The following SPATA31C2 variants were observed in gnomAD, a reference collection of about 807,000 sequenced individuals.
SPATA31C2 encodes the protein spermatogenesis-associated protein 31C2.
Under a neutral mutation model 11.4 loss-of-function variants are expected in SPATA31C2, and 5 were observed. That is an observed-to-expected ratio of 0.44 (90% confidence interval 0.23 to 0.92). SPATA31C2 has a LOEUF of 0.92. SPATA31C2 is among the 40% of genes least tolerant of loss of function. SPATA31C2 has a pLI of 0.24. For missense variants in SPATA31C2, 1,353 were observed against 1,368.6 expected (o/e 0.99, Z 0.18); for synonymous variants, 515 against 538.7 (o/e 0.96, Z 0.61).
rs1441844583 is a variant in SPATA31C2 at position 88,133,757 on chromosome 9, ATGGCTC to A, written c.190-94_190-89del. Reference sequence around the variant, plus strand: ...GCAGCACGCTGCACTCATGAACCGCATGGCTCTGTCTGTCTTGCTCAGGGAGCTCTG... The same window carrying A: ...GCAGCACGCTGCACTCATGAACCGCATGTCTGTCTTGCTCAGGGAGCTCTG... On this transcript the variant is annotated intron_variant, in intron 1 of 3. Transcript: ENST00000324915. The A allele has an allele frequency of 9.0e-6, 13 of 1,450,760 alleles. No individual in the cohort carries two copies. In the East Asian group the frequency reaches 3.7e-4, roughly 41 times the overall value. The allele number at this position is 1,450,760 out of a possible 1,614,324, so 89.9% of individuals were successfully genotyped here.
chr9:88,131,865 A>C lies in SPATA31C2; in HGVS notation c.1172T>G (p.Leu391Arg), dbSNP rs778584124. 9 of 1,610,958 alleles carry C rather than the reference A, an allele frequency of 5.6e-6. No individual in the cohort carries two copies. The South Asian group carries it at 9.9e-5, about 18-fold the overall frequency. The change falls in exon 4 of 4, where the codon CTA becomes CGA. Residue 391 changes from leucine (L) to arginine (R), a missense_variant. Leu to Arg is a moderately radical substitution (Grantham distance 102, BLOSUM62 -2). Coordinates refer to ENST00000324915, the MANE Select transcript of SPATA31C2 (RefSeq NM_001350978.3). ...CCTTTCAGGGTGCTGAGTTTCAGGTAGGGAGAGAGCTTGCACTTTATTCTG... is the reference window on the plus strand; with the variant it reads ...CCTTTCAGGGTGCTGAGTTTCAGGTCGGGAGAGAGCTTGCACTTTATTCTG... ...ASQNKVQALS[L>R]PETQHPERPL...
chr9:88,134,896 AG>A, intron 1 of SPATA31C2: 1 of 1,496,268 alleles, frequency 6.7e-7, no homozygotes, highest in Non-Finnish European at 9.1e-7. Flanking sequence ...CATGGTGTGG[AG>A]CTGGGGGTGT....
chr9:88,132,809 G>A, intron 3 of SPATA31C2, 99 bp from the exon 4 acceptor site: 1 of 1,004,846 alleles, frequency 1.0e-6, no homozygotes, highest in Non-Finnish European at 1.3e-6. Flanking sequence ...GCCACACCCT[G>A]ACCACCCAAT....
chr9:88,134,063 G>A (rs1825646431), intron 1 of SPATA31C2, among the ~76,000 whole-genome samples: 1 of 150,638 alleles, frequency 6.6e-6, no homozygotes, highest in South Asian at 2.1e-4. Flanking sequence ...GCTAAGACAG[G>A]AGAATAGCTT....
chr9:88,131,798 G>A lies in SPATA31C2; in HGVS notation c.1239C>T (p.Pro413=), dbSNP rs1340620922. The change falls in exon 4 of 4, where the codon CCC becomes CCT. Residue 413 remains proline, a synonymous_variant. Transcript: ENST00000324915. ...CGTCCTGAGATTTTTGGACCCTAGA[G>A]GGTAAAGCCAACCCACCTTCTAGTT... ...KKQLEGGLAL[P]SRVQKSQDVF... is the part of the protein sequence containing the mutation. 1.9e-6 allele frequency: 3 copies of A among 1,611,686 alleles called. No individual in the cohort carries two copies. Among genetic ancestry groups the A allele is most frequent in the African/African-American group, 1.3e-5 (1 of 74,954 alleles).
intron 2 of SPATA31C2, 33 bp downstream of exon 2, chr9:88,133,561 A>G (rs370427599): frequency 0.014 from 21,224 of 1,571,718 alleles, 173 homozygotes; most frequent in Non-Finnish European, 0.015. Context: ...GATGAGATCA[A>G]ATTAACTCTA....
chr9:88,131,491 G>T lies in SPATA31C2; in HGVS notation c.1546C>A (p.His516Asn). Residue 516 changes from histidine to asparagine, a missense_variant, in exon 4 of 4, where the codon CAT becomes AAT. This residue lies in a region of SPATA31C2 where 1,075 missense variants were observed against 992.8 expected (regional missense o/e 1.08). Transcript: ENST00000324915. ...KFQLERDPCP[H>N]LGQILGETPQ... ...GTCTCACCCAGAATTTGCCCCAGATGTGGGCATGGGTCCCTCTCTAGCTGG... is the reference window on the plus strand; with the variant it reads ...GTCTCACCCAGAATTTGCCCCAGATTTGGGCATGGGTCCCTCTCTAGCTGG... The T allele has an allele frequency of 6.2e-7, 1 of 1,611,822 alleles. No individual in the cohort carries two copies. Among genetic ancestry groups the T allele is most frequent in the Non-Finnish European group, 8.5e-7 (1 of 1,179,768 alleles).
At position 88,132,245 on chromosome 9, in the gene SPATA31C2, C is replaced by A. The variant is rs1306162890; in HGVS notation, c.792G>T (p.Glu264Asp). The change falls in exon 4 of 4, where the codon GAG becomes GAT. Residue 264 changes from glutamate to aspartate, a missense_variant. Glu to Asp is a conservative substitution (Grantham distance 45, BLOSUM62 2). Around this residue, in one of 6 missense-constraint regions of SPATA31C2, gnomAD observed 1,075 missense variants for 992.8 expected, o/e 1.08. Coordinates refer to ENST00000324915, the MANE Select transcript of SPATA31C2 (RefSeq NM_001350978.3). ...TGCCTGGGACAGAAGCCGCCAAATC[C>A]TCACGTGGAGACAAGCTTTGAGGGA... is the stretch of plus-strand genomic sequence containing the variant. ...DTVPQSLSPR[E>D]DLAASVPGIS... is the part of the protein sequence containing the mutation. The A allele has an allele frequency of 6.2e-7, 1 of 1,610,652 alleles. No individual in the cohort carries two copies. The highest frequency in any genetic ancestry group is 8.5e-7 in the Non-Finnish European group (1 of 1,177,718).
chr9:88,131,122 C>G lies in SPATA31C2; in HGVS notation c.1915G>C (p.Glu639Gln), dbSNP rs374068102. 1.2e-6 allele frequency: 2 copies of G among 1,612,046 alleles called. No individual in the cohort carries two copies. Among genetic ancestry groups the G allele is most frequent in the Non-Finnish European group, 1.7e-6 (2 of 1,179,872 alleles). The change falls in exon 4 of 4, where the codon GAG becomes CAG. Residue 639 changes from glutamate (E) to glutamine (Q), a missense_variant. Physicochemically the swap from Glu to Gln is conservative, Grantham distance 29. This residue lies in a region of SPATA31C2 where 1,075 missense variants were observed against 992.8 expected (regional missense o/e 1.08). Coordinates refer to ENST00000324915, the MANE Select transcript of SPATA31C2 (RefSeq NM_001350978.3). ...VNTAQVLSFLEPCTQQVLGAH... is the reference protein window; with the variant it reads ...VNTAQVLSFLQPCTQQVLGAH... ...CCCAGCACCTGCTGAGTACACGGCTCAAGGAAGGAAAGCACCTGGGCTGTG... is the reference window on the plus strand; with the variant it reads ...CCCAGCACCTGCTGAGTACACGGCTGAAGGAAGGAAAGCACCTGGGCTGTG...
In SPATA31C2 at chr9:88,132,086, G is replaced by A; in HGVS notation, c.951C>T (p.Ser317=). 1.2e-6 allele frequency: 2 copies of A among 1,610,758 alleles called. No homozygotes were observed. The highest frequency in any genetic ancestry group is 4.5e-5 in the East Asian group (2 of 44,740). ...GGGGCTGGGCCTGGAAAAGCAGTGG[G>A]GACATTGTAGTGTCCCTTTGGCGGG... ...HLSRQRDTTM[S]PLLFQAQPLS... Residue 317 remains serine (S), a synonymous_variant, in exon 4 of 4, where the codon TCC becomes TCT. Transcript: ENST00000324915.
Position 88,130,558 on chromosome 9 carries a change from T to C in SPATA31C2, c.2479A>G (p.Lys827Glu). Reference protein sequence around the residue: ...QATSEDVRGFKAPGASKSSLL... With the variant: ...QATSEDVRGFEAPGASKSSLL... The stretch of plus-strand genomic sequence containing the variant: ...GAGCTTTTGCTGGCGCCTGGAGCCT[T>C]GAAACCACGCACATCCTCACTTGTG... Residue 827 changes from lysine to glutamate, a missense_variant, in exon 4 of 4, where the codon AAG becomes GAG. Physicochemically the swap from Lys to Glu is moderately conservative, Grantham distance 56. Coordinates refer to ENST00000324915, the MANE Select transcript of SPATA31C2 (RefSeq NM_001350978.3). 2 of 1,613,310 alleles carry C rather than the reference T, an allele frequency of 1.2e-6. No individual in the cohort carries two copies. The highest frequency in any genetic ancestry group is 1.7e-6 in the Non-Finnish European group (2 of 1,179,556).
At position 88,129,590 on chromosome 9, in the gene SPATA31C2, C is replaced by T; in HGVS notation, c.*42G>A. On this transcript the variant is annotated 3_prime_UTR_variant, in exon 4 of 4. Coordinates refer to ENST00000324915, the MANE Select transcript of SPATA31C2 (RefSeq NM_001350978.3). ...TGGGGAGCAAGAGTTGGGGATGTCG[C>T]AGGCCCCATTGCTCATTGTTGCACC... 1.2e-6 allele frequency: 2 copies of T among 1,602,372 alleles called. No homozygotes were observed. Among genetic ancestry groups the T allele is most frequent in the Non-Finnish European group, 1.7e-6 (2 of 1,172,742 alleles).
In SPATA31C2 at chr9:88,132,050, C is replaced by T; in HGVS notation, c.987G>A (p.Leu329=). The change falls in exon 4 of 4, where the codon CTG becomes CTA. Residue 329 remains leucine, a synonymous_variant. Transcript: ENST00000324915. ...AAATAAAGGGTTGGGACTCAGGCTC[C>T]AGATGGGACAGGGGCTGGGCCTGGA... The part of the protein sequence containing the change: ...LLFQAQPLSH[L]EPESQPFISS... 1.2e-6 allele frequency: 2 copies of T among 1,610,812 alleles called. No homozygotes were observed. Among genetic ancestry groups the T allele is most frequent in the Non-Finnish European group, 1.7e-6 (2 of 1,177,690 alleles).
chr9:88,131,072 G>A lies in SPATA31C2; in HGVS notation c.1965C>T (p.Ala655=). ...VLGAHIVRFW[A]KHRWGLPLRV... ...TGAGGGGTAGACCCCACCTGTGTTT[G>A]GCCCAAAACCTCACAATATGGGCTC... is the stretch of plus-strand genomic sequence containing the variant. Residue 655 remains alanine, a synonymous_variant, in exon 4 of 4, where the codon GCC becomes GCT. Transcript: ENST00000324915. 3 of 1,612,018 alleles carry A rather than the reference G, an allele frequency of 1.9e-6. No homozygotes were observed. Among genetic ancestry groups the A allele is most frequent in the Non-Finnish European group, 1.7e-6 (2 of 1,179,870 alleles).
Position 88,132,537 on chromosome 9 carries a change from T to C in SPATA31C2, c.500A>G (p.His167Arg), listed in dbSNP as rs775899919. ...TGGGGTGGAGGCCAGATCCTGAGGA[T>C]GCTTGGTTCGAGGATCCGGGGAAGC... is the stretch of plus-strand genomic sequence containing the variant. ...PLASPDPRTKHPQDLASTPPP... is the reference protein window; with the variant it reads ...PLASPDPRTKRPQDLASTPPP... The change falls in exon 4 of 4, where the codon CAT (histidine) becomes CGT (arginine). Residue 167 changes from histidine (H) to arginine (R), a missense_variant. By Grantham distance (29) the His-to-Arg change is conservative (BLOSUM62 0). Coordinates refer to ENST00000324915, the MANE Select transcript of SPATA31C2 (RefSeq NM_001350978.3). 1.2e-5 allele frequency: 19 copies of C among 1,610,538 alleles called. No individual in the cohort carries two copies. Among genetic ancestry groups the C allele is most frequent in the Non-Finnish European group, 1.6e-5 (19 of 1,177,844 alleles).
At position 88,129,609 on chromosome 9, in the gene SPATA31C2, T is replaced by C; in HGVS notation, c.*23A>G. 6.2e-7 allele frequency: 1 copy of C among 1,602,646 alleles called. No individual in the cohort carries two copies. The highest frequency in any genetic ancestry group is 8.5e-7 in the Non-Finnish European group (1 of 1,172,732). On this transcript the variant is annotated 3_prime_UTR_variant, in exon 4 of 4. Transcript: ENST00000324915. ...ATGTCGCAGGCCCCATTGCTCATTG[T>C]TGCACCGGACACTTTTCAAGGGCTA...
chr9:88,131,963 T>C lies in SPATA31C2; in HGVS notation c.1074A>G (p.Gln358=). The change falls in exon 4 of 4, where the codon CAA becomes CAG. Residue 358 remains glutamine (Q), a synonymous_variant. Coordinates refer to ENST00000324915, the MANE Select transcript of SPATA31C2 (RefSeq NM_001350978.3). ...CAGGAGATAGGACTGGGAAAGAGGA[T>C]TGAAGATGGGCCTGAGCCTCGGCCT... ...MAQAEAQAHL[Q]SSFPVLSPAF... 4 of 1,610,992 alleles carry C rather than the reference T, an allele frequency of 2.5e-6. No homozygotes were observed. The highest frequency in any genetic ancestry group is 3.4e-6 in the Non-Finnish European group (4 of 1,177,992).
At position 88,129,644 on chromosome 9, in the gene SPATA31C2, G is replaced by C; in HGVS notation, c.3393C>G (p.Ile1131Met). Residue 1131 changes from isoleucine to methionine, a missense_variant, in exon 4 of 4, where the codon ATC (isoleucine) becomes ATG (methionine). Ile to Met is a conservative substitution (Grantham distance 10, BLOSUM62 1). Coordinates refer to ENST00000324915, the MANE Select transcript of SPATA31C2 (RefSeq NM_001350978.3). ...NQSRPNRDRQ[I>M]RDQ ...CACTTTTCAAGGGCTACTGATCTCT[G>C]ATTTGTCTGTCTCTGTTGGGACGAC... 1 of 1,603,188 alleles carries C rather than the reference G, an allele frequency of 6.2e-7. No homozygotes were observed. The highest frequency in any genetic ancestry group is 8.5e-7 in the Non-Finnish European group (1 of 1,172,972).
chr9:88,131,522 C>A lies in SPATA31C2; in HGVS notation c.1515G>T (p.Val505=). Residue 505 remains valine, a synonymous_variant, in exon 4 of 4, where the codon GTG becomes GTT. Coordinates refer to ENST00000324915, the MANE Select transcript of SPATA31C2 (RefSeq NM_001350978.3). ...ATGGGTCCCTCTCTAGCTGGAACTT[C>A]ACCGTCTGTGCCTCCTTGCTGCTTT... ...TGESSKEAQT[V]KFQLERDPCP... 1.2e-6 allele frequency: 2 copies of A among 1,611,712 alleles called. No individual in the cohort carries two copies. Among genetic ancestry groups the A allele is most frequent in the Non-Finnish European group, 1.7e-6 (2 of 1,179,684 alleles).
Sources: allele counts gnomAD v4.1 joint callset (sites outside exome capture counted in the v4.1 genomes callset), GRCh38; gene constraint gnomAD v4.1.1; regional missense constraint gnomAD v4.1.1; transcripts MANE v1.5; gene names NCBI Gene and HGNC (gene_info 2026-07-23, HGNC 2026-07-21).